RASAL1: variants seen among roughly 807,000 people sequenced by gnomAD.
The protein encoded by RASAL1 is rasGAP-activating-like protein 1.
In RASAL1, 72 loss-of-function variants were observed where a neutral mutation model predicts 96.6. The observed-to-expected ratio is 0.75, with a 90% CI of 0.62 to 0.91. RASAL1 has a LOEUF of 0.91. Ranked by LOEUF, RASAL1 falls within the 40% of genes least tolerant of loss-of-function variation. RASAL1 has a pLI of 0.00. For missense variants in RASAL1, 1,016 were observed against 1,072.5 expected (o/e 0.95, Z 0.74); for synonymous variants, 405 against 430.4 (o/e 0.94, Z 0.73).
intron 13 of RASAL1, among the ~76,000 whole-genome samples, chr12:113,110,570 A>G (rs1284871): frequency 2.0e-5 from 3 of 152,076 alleles, no homozygotes; most frequent in Non-Finnish European, 4.4e-5. Flanking sequence ...GTAATGCATG[A>G]CCCAAAGTGT....
chr12:113,107,284 A>G (rs775126974), intron 14 of RASAL1, 43 bp from the exon 15 acceptor site: 1 of 1,545,428 alleles, frequency 6.5e-7, no homozygotes, highest in Admixed American at 1.9e-5. Flanking sequence ...AGGTCACAGC[A>G]GAGGGTAGGG....
intron 8 of RASAL1, 65 bp downstream of exon 8, chr12:113,117,008 C>T (rs1402765551): frequency 5.9e-6 from 8 of 1,363,714 alleles, no homozygotes; most frequent in Middle Eastern, 2.1e-4. Flanking sequence ...GGGCTCTGCC[C>T]GCAAGCTGTG....
chr12:113,124,253 C>A (rs927715887), intron 4 of RASAL1, among the ~76,000 whole-genome samples: 4 of 150,002 alleles, frequency 2.7e-5, no homozygotes, highest in Non-Finnish European at 5.9e-5. Flanking sequence ...ACCACAAGTC[C>A]AACAATGTAT....
chr12:113,104,428 GC>G, intron 16 of RASAL1, 130 bp from the exon 17 acceptor site: 1 of 822,456 alleles, frequency 1.2e-6, no homozygotes, highest in Non-Finnish European at 1.9e-6. Flanking sequence ...GTAAGTCTGT[GC>G]TCTGTGTGCT....
intron 3 of RASAL1, 78 bp downstream of exon 3, chr12:113,127,987 G>A (rs1390753555): frequency 2.6e-6 from 4 of 1,557,740 alleles, no homozygotes; most frequent in Non-Finnish European, 3.5e-6. Context: ...CGTGGGCTGT[G>A]GACCCACATC....
chr12:113,117,201 C>T (rs749954087), intron 7 of RASAL1, 40 bp from the exon 8 acceptor site: 1 of 1,426,020 alleles, frequency 7.0e-7, no homozygotes, highest in Non-Finnish European at 9.7e-7. Flanking sequence ...CGGGCCCTGG[C>T]CTGCCCTGCC....
chr12:113,119,334 C>T (rs780355192), intron 6 of RASAL1, 28 bp downstream of exon 6: 1 of 1,613,076 alleles, frequency 6.2e-7, no homozygotes. Flanking sequence ...TGCCCCACTC[C>T]TTCCTGGCTT....
At position 113,099,912 on chromosome 12, in the gene RASAL1, C is replaced by A; in HGVS notation, c.*17G>T. ...CCTGGCTCTTGCTCCTCCTTCCGGG[C>A]TAGCTCTGGCATTTCCTTAGGGGCC... On this transcript the variant is annotated 3_prime_UTR_variant, in exon 21 of 21. Coordinates refer to ENST00000548055, the MANE Select transcript of RASAL1 (RefSeq NM_001301202.2). 1 of 1,603,986 alleles carries A rather than the reference C, an allele frequency of 6.2e-7. No homozygotes were observed.
At chr12:113,100,311 G>A (rs1176578728) in intron 20 of RASAL1, among the ~76,000 whole-genome samples, 4 of 151,998 alleles carry the variant, frequency 2.6e-5, no homozygotes, top group Non-Finnish European at 4.4e-5. Flanking sequence ...TCTTTTTTTG[G>A]GGGTGGAGGC....
intron 8 of RASAL1, among the ~76,000 whole-genome samples, chr12:113,116,346 C>T (rs769119017): frequency 4.0e-5 from 6 of 151,144 alleles, no homozygotes; most frequent in Admixed American, 6.6e-5. Flanking sequence ...CGTGACAGAG[C>T]GATACTCTGT....
chr12:113,107,259 G>A lies in RASAL1; in HGVS notation c.1513-18C>T, dbSNP rs886218315. ...TGCACAGCCTGGAGCAAAGAAGCGA[G>A]GGATGCCGGGGCCAAGGTCACAGCA... On this transcript the variant is annotated intron_variant, in intron 14 of 20. Transcript: ENST00000548055. The A allele has an allele frequency of 1.9e-6, 3 of 1,573,408 alleles. No homozygotes were observed. The highest frequency in any genetic ancestry group is 2.7e-5 in the African/African-American group (2 of 73,834).
rs1457161380 is a variant in RASAL1 at position 113,130,537 on chromosome 12, G to A, written c.122+348C>T. Among the ~76,000 whole-genome samples the A allele has an allele frequency of 2.0e-5, 3 of 151,990 alleles. No homozygotes were observed. The highest frequency in any genetic ancestry group is 2.9e-5 in the Non-Finnish European group (2 of 68,000). On this transcript the variant is annotated intron_variant, in intron 2 of 20. Transcript: ENST00000548055. The surrounding 1 kb of genome is among the most constrained non-coding windows in gnomAD (Gnocchi z 5.1). ...CACAGACACACATGCACATGCCCAC[G>A]CGCACAGACATCCCCAGTGCCCGCA...
At position 113,104,248 on chromosome 12, in the gene RASAL1, G is replaced by T; in HGVS notation, c.1881C>A (p.Asp627Glu). ...VSHIRAVERV[D>E]EGAFQLPHVM... is the part of the protein sequence containing the mutation. Reference sequence around the variant, plus strand: ...CGTGGGGCAGTTGGAAGGCGCCCTCGTCTACGCGCTCCACGGCGCGGATGT... The same window carrying T: ...CGTGGGGCAGTTGGAAGGCGCCCTCTTCTACGCGCTCCACGGCGCGGATGT... The change falls in exon 17 of 21, where the codon GAC becomes GAA. Residue 627 changes from aspartate (D) to glutamate (E), a missense_variant. Coordinates refer to ENST00000548055, the MANE Select transcript of RASAL1 (RefSeq NM_001301202.2). 1 of 1,599,156 alleles carries T rather than the reference G, an allele frequency of 6.3e-7. No homozygotes were observed. The highest frequency in any genetic ancestry group is 1.1e-5 in the South Asian group (1 of 88,840).
In RASAL1 at chr12:113,107,094, C is replaced by T. The variant is rs755006018; in HGVS notation, c.1657+3G>A. The T allele has an allele frequency of 1.2e-6, 2 of 1,609,224 alleles. No individual in the cohort carries two copies. The highest frequency in any genetic ancestry group is 1.7e-6 in the Non-Finnish European group (2 of 1,177,436). Reference sequence around the variant, plus strand: ...CAGATGTGGCCGGACCACAGGAACTCACCTTCATCCCCATCCACATCCACC... The same window carrying T: ...CAGATGTGGCCGGACCACAGGAACTTACCTTCATCCCCATCCACATCCACC... On this transcript the variant is annotated splice_donor_region_variant and intron_variant, in intron 15 of 20. Transcript: ENST00000548055.
At chr12:113,118,803 G>A (rs1430833282) in intron 7 of RASAL1, among the ~76,000 whole-genome samples, 1 of 152,214 alleles carries the variant, frequency 6.6e-6, no homozygotes, top group Non-Finnish European at 1.5e-5. Context: ...TCATAGGGTA[G>A]CCATGAAGGT....
chr12:113,131,968 C>CTTTTTTT (rs34936583), intron 1 of RASAL1, among the ~76,000 whole-genome samples: 10 of 118,712 alleles, frequency 8.4e-5, no homozygotes, highest in East Asian at 2.3e-4. Flanking sequence ...TCTTCTTCTT[C>CTTTTTTT]TTTTTTTTTT....
chr12:113,100,652 C>G lies in RASAL1; in HGVS notation c.2254G>C (p.Asp752His). ...RLKLLEDSNM[D>H]TTLEADTGAC... ...CCTGTGTCTGCCTCCAGAGTTGTAT[C>G]CATGTTAGAATCCTCCAGTAATTTC... Residue 752 changes from aspartate to histidine, a missense_variant, in exon 20 of 21, where the codon GAT (aspartate) becomes CAT (histidine). Physicochemically the swap from Asp to His is moderately conservative, Grantham distance 81 (BLOSUM62 -1). Transcript: ENST00000548055. 5.6e-6 allele frequency: 9 copies of G among 1,610,302 alleles called. No individual in the cohort carries two copies. Among genetic ancestry groups the G allele is most frequent in the Non-Finnish European group, 7.6e-6 (9 of 1,177,138 alleles).
At position 113,114,876 on chromosome 12, in the gene RASAL1, G is replaced by C. The variant is rs767633294; in HGVS notation, c.1105C>G (p.Pro369Ala). ...GMPYLHEVLK[P>A]VISRVFEEKK... is the part of the protein sequence containing the mutation. ...TCCTCAAAGACACGGCTAATCACAG[G>C]CTTCAGGACCTCGTGCAGGTAGGGC... is the stretch of plus-strand genomic sequence containing the variant. Residue 369 changes from proline (P) to alanine (A), a missense_variant, in exon 12 of 21, where the codon CCT becomes GCT. Physicochemically the swap from Pro to Ala is conservative, Grantham distance 27. Coordinates refer to ENST00000548055, the MANE Select transcript of RASAL1 (RefSeq NM_001301202.2). The C allele has an allele frequency of 3.7e-6, 6 of 1,614,026 alleles. No individual in the cohort carries two copies. The highest frequency in any genetic ancestry group is 3.3e-5 in the South Asian group (3 of 91,084).
rs190101109 is a variant in RASAL1, at chr12:113,109,910, G to A, written c.1375-1688C>T. ...TCCTCCTTTTTGAAGGCAAAGAACCGGTGTCAGTGCAGCAGAGAAAGGGGC... is the reference window on the plus strand; with the variant it reads ...TCCTCCTTTTTGAAGGCAAAGAACCAGTGTCAGTGCAGCAGAGAAAGGGGC... On this transcript the variant is annotated intron_variant, in intron 13 of 20. Transcript: ENST00000548055. 7.2e-4 allele frequency among the ~76,000 whole-genome samples: 110 copies of A among 152,318 alleles called. 1 individual carries two copies. The highest frequency in any genetic ancestry group is 2.5e-3 in the African/African-American group (103 of 41,574).
Sources: allele counts gnomAD v4.1 joint callset (sites outside exome capture counted in the v4.1 genomes callset), GRCh38; gene constraint gnomAD v4.1.1; non-coding constraint Gnocchi (gnomAD v3.1); transcripts MANE v1.5; gene names NCBI Gene and HGNC (gene_info 2026-07-23, HGNC 2026-07-21).